The following RBFOX1 variants were observed in gnomAD, a reference collection of about 807,000 sequenced individuals.
RBFOX1 encodes the protein RNA binding fox-1 homolog 1, also known as RNA binding protein fox-1 homolog 1.
In RBFOX1, 8 loss-of-function variants were observed where a neutral mutation model predicts 57.7. That is an observed-to-expected ratio of 0.14 (90% CI 0.08 to 0.25). The LOEUF is 0.25. Ranked by LOEUF, RBFOX1 falls within the 10% of genes least tolerant of loss-of-function variation. The pLI is 1.00. For synonymous variants in RBFOX1, 326 were observed against 222.4 expected, an observed-to-expected ratio of 1.47 and a Z score of -4.15; for missense variants, 611 against 548.5, an observed-to-expected ratio of 1.11 and a Z score of -1.14.
rs141632021 is a variant in RBFOX1 at position 6,502,112 on chromosome 16, G to A, written c.-63-152491G>A. Reference sequence around the variant, plus strand: ...TTGTGTAACAGAATATTACCCAACTGGAACCAAAAAATTCCTTCAGTGTCC... The same window carrying A: ...TTGTGTAACAGAATATTACCCAACTAGAACCAAAAAATTCCTTCAGTGTCC... On this transcript the variant is annotated intron_variant, in intron 2 of 15. Coordinates refer to ENST00000550418, the MANE Select transcript of RBFOX1 (RefSeq NM_018723.4). Among the ~76,000 whole-genome samples, 388 of 152,248 alleles carry A rather than the reference G, an allele frequency of 2.5e-3. 2 individuals carry two copies. The highest frequency in any genetic ancestry group is 3.8e-3 in the Admixed American group (58 of 15,290).
intron 2 of RBFOX1, among the ~76,000 whole-genome samples, chr16:6,590,725 G>A (rs997632139): frequency 2.0e-5 from 3 of 152,160 alleles, no homozygotes; most frequent in Admixed American, 6.5e-5. Context: ...CGTATTGACG[G>A]TCGTACATTT....
At chr16:6,845,791 G>C (rs913817091) in intron 3 of RBFOX1, among the ~76,000 whole-genome samples, 1 of 152,152 alleles carries the variant, frequency 6.6e-6, no homozygotes, top group Admixed American at 6.5e-5. Flanking sequence ...AAACAAGTAA[G>C]GCTCTTTCAT....
At chr16:7,360,019 C>T (rs1243498085) in intron 4 of RBFOX1, among the ~76,000 whole-genome samples, 1 of 151,786 alleles carries the variant, frequency 6.6e-6, no homozygotes, top group Non-Finnish European at 1.5e-5. Context: ...AAAAAAACCA[C>T]TCTGGAAAAT....
At chr16:6,044,084 T>C (rs538055837) in intron 1 of RBFOX1, among the ~76,000 whole-genome samples, 93 of 152,282 alleles carry the variant, frequency 6.1e-4, no homozygotes, top group Non-Finnish European at 1.1e-3. Flanking sequence ...TAATCCTAAT[T>C]TGAGTATGCC....
intron 4 of RBFOX1, among the ~76,000 whole-genome samples, chr16:7,420,928 C>CAT (rs745471660): frequency 1.2e-3 from 170 of 146,330 alleles, no homozygotes; most frequent in African/African-American, 3.8e-3. Flanking sequence ...TATATATACA[C>CAT]ATATATATAT....
intron 10 of RBFOX1, among the ~76,000 whole-genome samples, chr16:7,614,016 C>T (rs1021282695): frequency 3.3e-5 from 5 of 152,240 alleles, no homozygotes; most frequent in South Asian, 4.2e-4. Context: ...TAACTGTTAC[C>T]ATCCAAGCCC....
intron 3 of RBFOX1, among the ~76,000 whole-genome samples, chr16:5,663,268 T>C (rs1474059211): frequency 1.3e-5 from 2 of 152,178 alleles, no homozygotes; most frequent in Non-Finnish European, 2.9e-5. Context: ...TGGAGTGCAG[T>C]GGCACGAACA....
chr16:5,529,115 A>G (rs2044359973), intron 2 of RBFOX1, among the ~76,000 whole-genome samples: 1 of 152,000 alleles, frequency 6.6e-6, no homozygotes, highest in African/African-American at 2.4e-5. Flanking sequence ...AAGTCACATT[A>G]ATAGAGGACT....
chr16:6,153,033 G>GTTTTTTTTTTTTTTTTTTTTTT (rs59957159), intron 1 of RBFOX1, among the ~76,000 whole-genome samples: 3 of 128,136 alleles, frequency 2.3e-5, no homozygotes, highest in East Asian at 2.3e-4. Flanking sequence ...GTTATTTTCT[G>GTTTTTTTTTTTTTTTTTTTTTT]TTTTTTTTTT....
chr16:6,494,657 C>T (rs142626217), intron 2 of RBFOX1, among the ~76,000 whole-genome samples: 29 of 152,276 alleles, frequency 1.9e-4, no homozygotes, highest in African/African-American at 2.2e-4. Flanking sequence ...CAGGTTTTTG[C>T]GTGACCGTGA....
chr16:7,606,118 ATTTTTT>A (rs34232105), intron 9 of RBFOX1, among the ~76,000 whole-genome samples: 1 of 114,602 alleles, frequency 8.7e-6, no homozygotes, highest in Non-Finnish European at 1.7e-5. Context: ...ACCTGCATGG[ATTTTTT>A]TTTTTTTTTT....
chr16:6,507,729 C>T (rs925513896), intron 2 of RBFOX1, among the ~76,000 whole-genome samples: 2 of 151,922 alleles, frequency 1.3e-5, no homozygotes, highest in African/African-American at 4.8e-5. Flanking sequence ...CAAAAAGACA[C>T]ATACAGTATG....
At chr16:7,172,992 C>G (rs1260427937) in intron 4 of RBFOX1, among the ~76,000 whole-genome samples, 1 of 152,036 alleles carries the variant, frequency 6.6e-6, no homozygotes, top group African/African-American at 2.4e-5. Context: ...AATTGCAAAA[C>G]AAAGAAAAAC....
In RBFOX1 at chr16:6,824,540, C is replaced by G. The variant is rs192028522; in HGVS notation, c.-16+169890C>G. On this transcript the variant is annotated intron_variant, in intron 3 of 15. Transcript: ENST00000550418. The stretch of plus-strand genomic sequence containing the variant: ...AAAAATTAACATGTTGAGTATATCT[C>G]CTATTTTTCTTAATAATAATCATAA... Among the ~76,000 whole-genome samples the G allele has an allele frequency of 3.9e-5, 6 of 151,932 alleles. No individual in the cohort carries two copies. The South Asian group carries it at 1.2e-3, about 31-fold the overall frequency.
At chr16:7,192,203 C>T (rs2085565531) in intron 4 of RBFOX1, among the ~76,000 whole-genome samples, 1 of 152,236 alleles carries the variant, frequency 6.6e-6, no homozygotes, top group South Asian at 2.1e-4. Context: ...TTCTCAGAAT[C>T]TCCTGTGTTT....
At chr16:5,779,528 G>A (rs954318421) in intron 3 of RBFOX1, among the ~76,000 whole-genome samples, 1 of 152,146 alleles carries the variant, frequency 6.6e-6, no homozygotes. Flanking sequence ...TGAAACTACA[G>A]AATCAAACGT....
intron 2 of RBFOX1, among the ~76,000 whole-genome samples, chr16:6,408,314 C>G (rs1403257405): frequency 6.6e-6 from 1 of 152,134 alleles, no homozygotes; most frequent in Non-Finnish European, 1.5e-5. Flanking sequence ...AGAGGTCTGT[C>G]TTAAGGAATA....
At chr16:5,714,815 G>C (rs2051627902) in intron 3 of RBFOX1, among the ~76,000 whole-genome samples, 1 of 152,188 alleles carries the variant, frequency 6.6e-6, no homozygotes, top group African/African-American at 2.4e-5. Flanking sequence ...TATCGTCACT[G>C]CGTCACAGAT....
At chr16:6,200,147 G>C (rs958841611) in intron 1 of RBFOX1, among the ~76,000 whole-genome samples, 7 of 152,138 alleles carry the variant, frequency 4.6e-5, no homozygotes, top group African/African-American at 1.7e-4. Flanking sequence ...GGAACACCTT[G>C]ATTCTGAAAG....
Sources: gnomAD v4.1 joint callset for allele counts (sites outside exome capture counted in the v4.1 genomes callset) on GRCh38, gnomAD v4.1.1 for gene constraint, MANE v1.5 for transcripts, NCBI Gene and HGNC (gene_info 2026-07-23, HGNC 2026-07-21) for gene names.